CYFIP1: variants seen among roughly 807,000 people sequenced by gnomAD.
CYFIP1 encodes cytoplasmic FMR1-interacting protein 1.
In CYFIP1, 58 loss-of-function variants were observed where a neutral mutation model predicts 163.5. The observed-to-expected ratio is 0.35, with a 90% CI of 0.29 to 0.44. The LOEUF is 0.44. Among genes scored for constraint, CYFIP1 ranks in the 20% least tolerant of loss-of-function variants. CYFIP1 has a pLI of 1.00. For missense variants in CYFIP1, 1,338 were observed against 1,653.8 expected, an observed-to-expected ratio of 0.81 and a Z score of 3.31; for synonymous variants, 663 against 660.7, an observed-to-expected ratio of 1.00 and a Z score of -0.05.
chr15:22,870,265 G>GA, intron 30 of CYFIP1, 73 bp from the exon 31 acceptor site: 1 of 1,479,810 alleles, frequency 6.8e-7, no homozygotes, highest in Non-Finnish European at 9.2e-7. Context: ...AAAATGTCAG[G>GA]ATTCTTATAT....
chr15:22,909,887 T>C (rs2060725711), intron 20 of CYFIP1, among the ~76,000 whole-genome samples: 1 of 152,116 alleles, frequency 6.6e-6, no homozygotes, highest in Non-Finnish European at 1.5e-5. Context: ...AGGAGAAAGT[T>C]TTCTCTGATA....
At chr15:22,939,097 C>G in intron 8 of CYFIP1, 95 bp downstream of exon 8, 1 of 1,485,918 alleles carries the variant, frequency 6.7e-7, no homozygotes, top group Non-Finnish European at 9.3e-7. Flanking sequence ...AAATAAGACA[C>G]AGCTGTCAAA....
chr15:22,919,293 G>A (rs1027303291), intron 13 of CYFIP1, among the ~76,000 whole-genome samples: 1 of 152,184 alleles, frequency 6.6e-6, no homozygotes, highest in East Asian at 1.9e-4. Context: ...GACTCTGATG[G>A]AACATAATTA....
At chr15:22,918,135 T>C (rs1193603941) in intron 14 of CYFIP1, among the ~76,000 whole-genome samples, 200 bp from the exon 15 acceptor site, 1 of 152,164 alleles carries the variant, frequency 6.6e-6, no homozygotes, top group Non-Finnish European at 1.5e-5. Context: ...TGGAGAGTAT[T>C]ACTACCCCCA....
At chr15:22,946,502 G>A (rs2062063653) in intron 3 of CYFIP1, among the ~76,000 whole-genome samples, 5 of 151,678 alleles carry the variant, frequency 3.3e-5, no homozygotes, top group South Asian at 4.2e-4. Context: ...TTAGCTGGGC[G>A]TAGTGGTGGG....
intron 26 of CYFIP1, among the ~76,000 whole-genome samples, chr15:22,879,080 G>A (rs2059671928): frequency 1.3e-5 from 2 of 151,070 alleles, no homozygotes; most frequent in Non-Finnish European, 1.5e-5. Flanking sequence ...AGCTTGCAGT[G>A]AGCCAACATC....
chr15:22,892,161 C>T (rs1265187576), intron 23 of CYFIP1, among the ~76,000 whole-genome samples: 1 of 152,260 alleles, frequency 6.6e-6, no homozygotes, highest in Admixed American at 6.5e-5. Context: ...GTTCCTTCCC[C>T]AGCTCCGCTG....
intron 1 of CYFIP1, among the ~76,000 whole-genome samples, chr15:22,972,652 A>C (rs948216302): frequency 6.6e-6 from 1 of 152,206 alleles, no homozygotes; most frequent in Non-Finnish European, 1.5e-5. Context: ...CTAGATACAC[A>C]CATACAGAAA....
At chr15:22,939,554 AT>A (rs1555416198) in intron 6 of CYFIP1, 47 bp from the exon 7 acceptor site, 17,892 of 586,494 alleles carry the variant, frequency 0.031, 2,880 homozygotes, top group Admixed American at 0.037. Context: ...AACGTGCCAC[AT>A]TTAAAAAAAA....
chr15:22,963,840 G>T (rs1365075512), intron 1 of CYFIP1, among the ~76,000 whole-genome samples: 5 of 152,118 alleles, frequency 3.3e-5, no homozygotes, highest in Admixed American at 2.0e-4. Flanking sequence ...TGTGAGAGAT[G>T]CCTGGACACC....
At chr15:22,910,343 G>C (rs2060742888) in intron 20 of CYFIP1, among the ~76,000 whole-genome samples, 177 bp downstream of exon 20, 1 of 152,114 alleles carries the variant, frequency 6.6e-6, no homozygotes, top group African/African-American at 2.4e-5. Flanking sequence ...TGTATTTTTA[G>C]TAGAGATGGG....
chr15:22,875,885 C>CATACATACATACATATATATAT (rs56999943), intron 26 of CYFIP1, among the ~76,000 whole-genome samples: 1 of 130,786 alleles, frequency 7.6e-6, no homozygotes, highest in African/African-American at 3.0e-5. Context: ...TCCAGAATAA[C>CATACATACATACATATATATAT]ATATATATAT....
chr15:22,911,941 T>G (rs2060800090), intron 18 of CYFIP1, among the ~76,000 whole-genome samples: 2 of 152,194 alleles, frequency 1.3e-5, no homozygotes, highest in South Asian at 4.2e-4. Flanking sequence ...AAGATCATGC[T>G]CATAACCAAA....
chr15:22,952,661 A>AAAAAAAAAAAAAAAG (rs2062295306), intron 1 of CYFIP1, among the ~76,000 whole-genome samples: 1 of 129,208 alleles, frequency 7.7e-6, no homozygotes, highest in South Asian at 2.7e-4. Flanking sequence ...CTCCATCTCA[A>AAAAAAAAAAAAAAAG]AAAAAAAAAA....
intron 21 of CYFIP1, chr15:22,905,274 G>C (rs1388770174): frequency 6.6e-6 from 1 of 152,114 alleles, no homozygotes; most frequent in Non-Finnish European, 1.5e-5. Flanking sequence ...GCTTTTAATA[G>C]ACACTTTCAA....
chr15:22,965,774 C>T (rs1309373377), intron 1 of CYFIP1, among the ~76,000 whole-genome samples: 1 of 152,188 alleles, frequency 6.6e-6, no homozygotes, highest in Non-Finnish European at 1.5e-5. Flanking sequence ...CCAGCCCCTT[C>T]CCGCTGCCCT....
intron 22 of CYFIP1, among the ~76,000 whole-genome samples, chr15:22,895,274 A>AC (rs901730977): frequency 9.2e-5 from 14 of 152,024 alleles, no homozygotes; most frequent in African/African-American, 3.4e-4. Context: ...TCGGCCTCCC[A>AC]AAGTGCTGGG....
At chr15:22,873,280 G>A (rs1354744860) in intron 29 of CYFIP1, among the ~76,000 whole-genome samples, 1 of 152,084 alleles carries the variant, frequency 6.6e-6, no homozygotes, top group African/African-American at 2.4e-5. Context: ...TACAATTGCC[G>A]TGGGTTCAGA....
intron 17 of CYFIP1, chr15:22,912,517 G>T: frequency 2.3e-6 from 1 of 427,166 alleles, no homozygotes; most frequent in South Asian, 6.2e-5. Flanking sequence ...GCCACACACG[G>T]ACAAGGGCCT....
Sources: allele counts gnomAD v4.1 joint callset (sites outside exome capture counted in the v4.1 genomes callset), GRCh38; gene constraint gnomAD v4.1.1; transcripts MANE v1.5; gene names NCBI Gene and HGNC (gene_info 2026-07-23, HGNC 2026-07-21).